Variants in OPCML observed in about 807,000 individuals in gnomAD.
The protein encoded by OPCML is opioid binding protein/cell adhesion molecule like.
Under a neutral mutation model 37.8 loss-of-function variants are expected in OPCML, and 13 were observed. That is an observed-to-expected ratio of 0.34 (90% CI 0.22 to 0.55). OPCML has a LOEUF of 0.55. Among genes scored for constraint, OPCML ranks in the 20% least tolerant of loss-of-function variants. The probability of loss-of-function intolerance (pLI) is 0.91; values close to 1 mark genes in which losing one functional copy is unlikely to be tolerated. For missense variants in OPCML, 341 were observed against 435.6 expected, an observed-to-expected ratio of 0.78 and a Z score of 1.93; for synonymous variants, 176 against 168.8, an observed-to-expected ratio of 1.04 and a Z score of -0.33.
chr11:132,875,464 A>ATTTTT (rs564416726), intron 2 of OPCML, among the ~76,000 whole-genome samples: 1 of 138,806 alleles, frequency 7.2e-6, no homozygotes. Flanking sequence ...TACCCATCTA[A>ATTTTT]TTTTTTTTTT....
intron 1 of OPCML, among the ~76,000 whole-genome samples, chr11:133,392,220 T>A (rs1945188167): frequency 6.6e-6 from 1 of 152,182 alleles, no homozygotes. Flanking sequence ...ATGACCCTCA[T>A]TTTACAGCTA....
At chr11:133,092,595 G>A (rs533356218) in intron 1 of OPCML, among the ~76,000 whole-genome samples, 113 of 152,060 alleles carry the variant, frequency 7.4e-4, no homozygotes, top group Middle Eastern at 3.4e-3. Flanking sequence ...GCATGGTGGC[G>A]CGCACCTGTA....
At chr11:132,441,599 G>C (rs2096035748) in intron 4 of OPCML, among the ~76,000 whole-genome samples, 1 of 152,176 alleles carries the variant, frequency 6.6e-6, no homozygotes. Flanking sequence ...GAGGCATTAT[G>C]AACCTGCTCT....
intron 3 of OPCML, among the ~76,000 whole-genome samples, chr11:132,569,328 C>T (rs543184606): frequency 1.3e-5 from 2 of 152,274 alleles, no homozygotes; most frequent in Admixed American, 6.5e-5. Context: ...AACAAGCCAA[C>T]GTGAAAGGCT....
At chr11:132,516,002 A>C (rs1383177417) in intron 4 of OPCML, among the ~76,000 whole-genome samples, 1 of 152,022 alleles carries the variant, frequency 6.6e-6, no homozygotes, top group Non-Finnish European at 1.5e-5. Context: ...AGTCATCCCA[A>C]CTCTTGTTAT....
chr11:132,656,584 G>A (rs1171287974), intron 3 of OPCML, among the ~76,000 whole-genome samples: 1 of 152,154 alleles, frequency 6.6e-6, no homozygotes, highest in Non-Finnish European at 1.5e-5. Context: ...ATGAGAGAGT[G>A]TTTAAAGACA....
chr11:132,898,820 G>T (rs1943943238), intron 2 of OPCML, among the ~76,000 whole-genome samples: 1 of 151,674 alleles, frequency 6.6e-6, no homozygotes, highest in African/African-American at 2.4e-5. Flanking sequence ...TGATTCCATT[G>T]AACTGGAAGT....
intron 7 of OPCML, among the ~76,000 whole-genome samples, chr11:132,434,879 A>G (rs1368831944): frequency 6.6e-6 from 1 of 152,148 alleles, no homozygotes; most frequent in Admixed American, 6.5e-5. Context: ...TAGCAGAATG[A>G]GCATTCTTTT....
chr11:133,363,800 GCT>G (rs973132505), intron 1 of OPCML, among the ~76,000 whole-genome samples: 1 of 152,134 alleles, frequency 6.6e-6, no homozygotes, highest in African/African-American at 2.4e-5. Context: ...AAAAGAGGAG[GCT>G]CTCTCTATTT....
chr11:133,390,154 C>T (rs1945136347), intron 1 of OPCML, among the ~76,000 whole-genome samples: 1 of 152,180 alleles, frequency 6.6e-6, no homozygotes, highest in African/African-American at 2.4e-5. Context: ...TGTACGTTTA[C>T]CTAACGTTAA....
chr11:132,596,952 A>G (rs2096493370), intron 3 of OPCML, among the ~76,000 whole-genome samples: 1 of 152,148 alleles, frequency 6.6e-6, no homozygotes, highest in South Asian at 2.1e-4. Flanking sequence ...TACCTCCTTG[A>G]AGCACTTGAA....
At chr11:132,902,649 T>C (rs1056515854) in intron 2 of OPCML, among the ~76,000 whole-genome samples, 1 of 152,184 alleles carries the variant, frequency 6.6e-6, no homozygotes, top group Admixed American at 6.5e-5. Flanking sequence ...AAGAAGACTT[T>C]AGAAGCAGCC....
At chr11:132,503,315 A>G (rs2096249631) in intron 4 of OPCML, among the ~76,000 whole-genome samples, 1 of 152,180 alleles carries the variant, frequency 6.6e-6, no homozygotes, top group African/African-American at 2.4e-5. Context: ...CCTAGAACCA[A>G]CACAGTACTT....
At chr11:133,219,296 C>T (rs1282357958) in intron 1 of OPCML, among the ~76,000 whole-genome samples, 1 of 152,208 alleles carries the variant, frequency 6.6e-6, no homozygotes, top group Non-Finnish European at 1.5e-5. Context: ...GTAGCAACTT[C>T]ATTACAATGT....
chr11:132,479,928 G>GAA (rs2096173133), intron 4 of OPCML, among the ~76,000 whole-genome samples: 3 of 152,262 alleles, frequency 2.0e-5, no homozygotes, highest in East Asian at 1.9e-4. Context: ...GAAAAAAACA[G>GAA]CGGAAAAACT....
In OPCML at chr11:132,716,550, A is replaced by G. The variant is rs1027498040; in HGVS notation, c.147-59231T>C. ...GAACCCTGTGAAGGATTATATGTGA[A>G]TAAAAACTTTATCAGGAAAATTTAA... is the stretch of plus-strand genomic sequence containing the variant. On this transcript the variant is annotated intron_variant, in intron 2 of 7. Coordinates refer to ENST00000524381, the MANE Select transcript of OPCML (RefSeq NM_001012393.5). 1.2e-4 allele frequency among the ~76,000 whole-genome samples: 19 copies of G among 152,340 alleles called. No individual in the cohort carries two copies. The South Asian group carries it at 3.9e-3, about 32-fold the overall frequency.
intron 1 of OPCML, among the ~76,000 whole-genome samples, chr11:133,000,346 C>A (rs537216516): frequency 6.6e-5 from 10 of 152,348 alleles, no homozygotes; most frequent in Admixed American, 4.6e-4. Context: ...CTCCCGTCCT[C>A]AAGCGTTCAG....
intron 4 of OPCML, among the ~76,000 whole-genome samples, chr11:132,443,922 G>A (rs550502100): frequency 1.1e-4 from 16 of 152,322 alleles, no homozygotes; most frequent in South Asian, 4.1e-4. Context: ...CAAAACATCC[G>A]CTGGGCTACA....
chr11:132,631,332 G>GA (rs998221628), intron 3 of OPCML, among the ~76,000 whole-genome samples: 2 of 120,462 alleles, frequency 1.7e-5, no homozygotes, highest in Non-Finnish European at 3.4e-5. Flanking sequence ...AATGTTAAAA[G>GA]AAAAAAATAA....
Sources: allele counts gnomAD v4.1 joint callset (sites outside exome capture counted in the v4.1 genomes callset), GRCh38; gene constraint gnomAD v4.1.1; transcripts MANE v1.5; gene names NCBI Gene and HGNC (gene_info 2026-07-23, HGNC 2026-07-21).